The following PLXNA2 variants were observed in gnomAD, a reference collection of about 807,000 sequenced individuals.
PLXNA2 encodes the protein plexin-A2.
Under a neutral mutation model 193.5 loss-of-function variants are expected in PLXNA2, and 91 were observed. The observed-to-expected ratio is 0.47, with a 90% CI of 0.40 to 0.56. PLXNA2 has a LOEUF of 0.56. Ranked by LOEUF, PLXNA2 falls within the 20% of genes least tolerant of loss-of-function variation. PLXNA2 has a pLI of 0.00. For missense variants in PLXNA2, 1,995 were observed against 2,503.2 expected, an observed-to-expected ratio of 0.80 and a Z score of 4.33; for synonymous variants, 997 against 1,027.3, an observed-to-expected ratio of 0.97 and a Z score of 0.56.
At chr1:208,167,300 C>A (rs1485955171) in intron 3 of PLXNA2, among the ~76,000 whole-genome samples, 1 of 152,152 alleles carries the variant, frequency 6.6e-6, no homozygotes, top group Admixed American at 6.5e-5. Flanking sequence ...TCCCACACCC[C>A]CCTCACAGCA....
chr1:208,054,529 A>G lies in PLXNA2; in HGVS notation c.2748T>C (p.Cys916=), dbSNP rs1484716096. The change falls in exon 14 of 32, where the codon TGT becomes TGC. Residue 916 remains cysteine (C), a synonymous_variant. Transcript: ENST00000367033. ...GEYIIAEQIV[C]EMGHALVGTT... is the part of the protein sequence containing the mutation. ...TTCCCACGAGGGCATGGCCCATCTC[A>G]CAGACAATCCTGGGGAGAAAGCAAA... 1 of 1,605,058 alleles carries G rather than the reference A, an allele frequency of 6.2e-7. No homozygotes were observed. The highest frequency in any genetic ancestry group is 8.5e-7 in the Non-Finnish European group (1 of 1,171,594).
intron 3 of PLXNA2, among the ~76,000 whole-genome samples, chr1:208,144,925 T>C (rs961548350): frequency 6.6e-6 from 1 of 152,070 alleles, no homozygotes; most frequent in Non-Finnish European, 1.5e-5. Context: ...GCCTGTAACC[T>C]GGAGCAATTC....
At chr1:208,123,270 G>A (rs1667861011) in intron 4 of PLXNA2, among the ~76,000 whole-genome samples, 1 of 152,294 alleles carries the variant, frequency 6.6e-6, no homozygotes, top group South Asian at 2.1e-4. Context: ...TAATTCAGAG[G>A]CAAGAAGGTG....
At chr1:208,193,832 G>A (rs968563410) in intron 3 of PLXNA2, among the ~76,000 whole-genome samples, 1 of 151,360 alleles carries the variant, frequency 6.6e-6, no homozygotes, top group African/African-American at 2.4e-5. Context: ...GATTGAGGCT[G>A]TAGTGAGCTA....
chr1:208,160,895 T>C (rs1431417166), intron 3 of PLXNA2, among the ~76,000 whole-genome samples: 3 of 152,266 alleles, frequency 2.0e-5, no homozygotes, highest in African/African-American at 7.2e-5. Flanking sequence ...CAAGTTCATT[T>C]CTACCTTGTA....
intron 4 of PLXNA2, among the ~76,000 whole-genome samples, chr1:208,132,310 A>G (rs1346426582): frequency 6.6e-6 from 1 of 152,074 alleles, no homozygotes; most frequent in Non-Finnish European, 1.5e-5. Flanking sequence ...CCTAACTGGG[A>G]GCCGGGTGTG....
Position 208,028,892 on chromosome 1 carries a change from G to A in PLXNA2, c.5376C>T (p.Asp1792=), listed in dbSNP as rs534398757. 7.2e-5 allele frequency: 116 copies of A among 1,614,174 alleles called. 1 individual carries two copies. In the Middle Eastern group the frequency reaches 3.5e-3, roughly 48 times the overall value. Residue 1792 remains aspartate (D), a synonymous_variant, in exon 30 of 32, where the codon GAC becomes GAT. Coordinates refer to ENST00000367033, the MANE Select transcript of PLXNA2 (RefSeq NM_025179.4). This position sits in a 1 kb window ranked among gnomAD's most constrained non-coding sequence, Gnocchi z 4.2. ...CATAGAGCAGCTTGTTGGAGGGGGA[G>A]TCCTTGCCCAGCCGGTGCTCTGACG... ...CSTSEHRLGK[D]SPSNKLLYAK...
chr1:208,041,134 A>C (rs1571851973), intron 22 of PLXNA2, among the ~76,000 whole-genome samples: 1 of 152,142 alleles, frequency 6.6e-6, no homozygotes, highest in Non-Finnish European at 1.5e-5. Flanking sequence ...ATTTAAATAC[A>C]ACAGTTCTTA....
At chr1:208,109,006 T>TTCTTCCCTGGAATCTTCCCTGGAA (rs201028637) in intron 4 of PLXNA2, among the ~76,000 whole-genome samples, 1 of 152,166 alleles carries the variant, frequency 6.6e-6, no homozygotes, top group Non-Finnish European at 1.5e-5. Context: ...TTTAATCTCT[T>TTCTTCCCTGGAATCTTCCCTGGAA]TCTTCCCTGG....
chr1:208,030,960 T>C (rs1443155800), intron 29 of PLXNA2: 4 of 987,380 alleles, frequency 4.1e-6, no homozygotes, highest in Non-Finnish European at 4.8e-6. Flanking sequence ...GAGATGACTT[T>C]AGGGGAGAGA....
At chr1:208,094,710 T>A (rs907823825) in intron 8 of PLXNA2, among the ~76,000 whole-genome samples, 2 of 152,222 alleles carry the variant, frequency 1.3e-5, no homozygotes, top group African/African-American at 2.4e-5. Flanking sequence ...CTTTCTGCCC[T>A]CCCTGGTTCC....
chr1:208,125,686 A>G (rs1456755437), intron 4 of PLXNA2, among the ~76,000 whole-genome samples: 1 of 152,228 alleles, frequency 6.6e-6, no homozygotes. Context: ...CTTGGCACAC[A>G]GAACAGGTTT....
At chr1:208,214,504 A>G (rs965855481) in intron 2 of PLXNA2, among the ~76,000 whole-genome samples, 6 of 152,234 alleles carry the variant, frequency 3.9e-5, no homozygotes, top group African/African-American at 1.2e-4. Flanking sequence ...GATGACAGGA[A>G]TAGAAGCGTA....
rs1288168376 is a variant in PLXNA2 at position 208,027,198 on chromosome 1, C to T, written c.*45G>A. The T allele has an allele frequency of 1.3e-6, 2 of 1,512,750 alleles. No homozygotes were observed. The highest frequency in any genetic ancestry group is 1.8e-6 in the Non-Finnish European group (2 of 1,091,204). 93.7% of individuals were successfully genotyped at this position (1,512,750 alleles called of 1,614,324 possible). On this transcript the variant is annotated 3_prime_UTR_variant, in exon 32 of 32. Transcript: ENST00000367033. ...CTTCCATCTGAGACTCCCAGTGTGA[C>T]AGCTTGGACAGGTCCCTCTTCCCAG...
intron 3 of PLXNA2, among the ~76,000 whole-genome samples, chr1:208,173,586 AC>A (rs1342016910): frequency 3.9e-5 from 6 of 152,204 alleles, no homozygotes; most frequent in Non-Finnish European, 7.3e-5. Context: ...TTTCCAGTCT[AC>A]CAGCAAGGGG....
At chr1:208,039,508 C>A (rs1664789278) in intron 24 of PLXNA2, 113 bp downstream of exon 24, 1 of 1,455,758 alleles carries the variant, frequency 6.9e-7, no homozygotes, top group African/African-American at 1.4e-5. Context: ...TCACCCCAGA[C>A]CAGCCTCCCA....
At chr1:208,228,779 C>T (rs1360024723) in intron 1 of PLXNA2, among the ~76,000 whole-genome samples, 1 of 152,164 alleles carries the variant, frequency 6.6e-6, no homozygotes, top group South Asian at 2.1e-4. Context: ...AAACGCCCTG[C>T]CCTGGAATGC....
intron 17 of PLXNA2, among the ~76,000 whole-genome samples, chr1:208,047,679 A>G (rs1558164042): frequency 6.6e-6 from 1 of 152,250 alleles, no homozygotes; most frequent in Non-Finnish European, 1.5e-5. Flanking sequence ...TGGCAGGTCC[A>G]CACATGTTAT....
intron 3 of PLXNA2, among the ~76,000 whole-genome samples, chr1:208,174,025 C>T (rs545023220): frequency 1.2e-4 from 19 of 152,340 alleles, no homozygotes; most frequent in African/African-American, 4.3e-4. Flanking sequence ...TGAGATAGCG[C>T]TTTGAAAAGA....
Sources: gnomAD v4.1 joint callset for allele counts (sites outside exome capture counted in the v4.1 genomes callset) on GRCh38, gnomAD v4.1.1 for gene constraint, Gnocchi (gnomAD v3.1) non-coding constraint, MANE v1.5 for transcripts, NCBI Gene and HGNC (gene_info 2026-07-23, HGNC 2026-07-21) for gene names.